Variants in BRINP1 observed in about 807,000 individuals in gnomAD.
BRINP1 encodes the protein BMP/retinoic acid-inducible neural-specific protein 1.
In BRINP1, 17 loss-of-function variants were observed where a neutral mutation model predicts 72.9. The observed-to-expected ratio is 0.23, with a 90% CI of 0.16 to 0.35. BRINP1 has a LOEUF of 0.35. Ranked by LOEUF, BRINP1 falls within the 10% of genes least tolerant of loss-of-function variation. The pLI is 1.00. For synonymous variants in BRINP1, 418 were observed against 378.5 expected, an observed-to-expected ratio of 1.10 and a Z score of -1.21; for missense variants, 850 against 1,001.6, an observed-to-expected ratio of 0.85 and a Z score of 2.04.
intron 1 of BRINP1, among the ~76,000 whole-genome samples, chr9:119,360,804 A>G (rs1187784768): frequency 1.3e-5 from 2 of 152,196 alleles, no homozygotes; most frequent in Non-Finnish European, 2.9e-5. Flanking sequence ...GAAACCTCCC[A>G]GGGCCAGTAC....
Position 119,229,021 on chromosome 9 carries a change from G to A in BRINP1, c.685+9634C>T, listed in dbSNP as rs1355132302. 3.9e-5 allele frequency among the ~76,000 whole-genome samples: 6 copies of A among 152,090 alleles called. No individual in the cohort carries two copies. In the South Asian group the frequency reaches 1.2e-3, roughly 31 times the overall value. ...CTGAGATTATCTTTGAAGTTGCCAA[G>A]TACACTTTTTATGTATATGTATTTG... On this transcript the variant is annotated intron_variant, in intron 5 of 7. Coordinates refer to ENST00000265922, the MANE Select transcript of BRINP1 (RefSeq NM_014618.3).
intron 1 of BRINP1, among the ~76,000 whole-genome samples, chr9:119,324,187 T>G (rs1186205615): frequency 6.6e-6 from 1 of 152,054 alleles, no homozygotes; most frequent in Non-Finnish European, 1.5e-5. Context: ...CAATGAGAAT[T>G]TACTAATCAG....
chr9:119,255,037 A>G (rs537446224), intron 2 of BRINP1, among the ~76,000 whole-genome samples: 15 of 152,372 alleles, frequency 9.8e-5, no homozygotes, highest in African/African-American at 3.4e-4. Context: ...CCCAAGGCTC[A>G]TGACTTCAAG....
intron 7 of BRINP1, among the ~76,000 whole-genome samples, chr9:119,205,780 A>G (rs1829847788): frequency 6.6e-6 from 1 of 152,100 alleles, no homozygotes; most frequent in African/African-American, 2.4e-5. Flanking sequence ...GGACCTTTGG[A>G]TCTTACTCTC....
intron 5 of BRINP1, among the ~76,000 whole-genome samples, chr9:119,214,712 G>A (rs1829961084): frequency 6.6e-6 from 1 of 152,156 alleles, no homozygotes; most frequent in Non-Finnish European, 1.5e-5. Flanking sequence ...GCCATATGAG[G>A]CAAATGAACA....
intron 5 of BRINP1, among the ~76,000 whole-genome samples, chr9:119,232,445 T>C (rs899469967): frequency 1.3e-5 from 2 of 152,210 alleles, no homozygotes; most frequent in African/African-American, 2.4e-5. Flanking sequence ...TTGCTTCTCA[T>C]TGCATCTAGA....
At chr9:119,352,768 A>T (rs968692071) in intron 1 of BRINP1, among the ~76,000 whole-genome samples, 13 of 152,176 alleles carry the variant, frequency 8.5e-5, no homozygotes, top group African/African-American at 3.1e-4. Context: ...CTGAATTTTT[A>T]TTGTTCTAAG....
chr9:119,180,479 A>ATGTGTG (rs112009324), intron 7 of BRINP1, among the ~76,000 whole-genome samples: 34 of 132,314 alleles, frequency 2.6e-4, no homozygotes, highest in South Asian at 9.4e-4. Context: ...CTCTCTGTGC[A>ATGTGTG]TGTGTGTGTG....
intron 2 of BRINP1, among the ~76,000 whole-genome samples, chr9:119,297,720 T>C (rs997597339): frequency 6.6e-6 from 1 of 152,142 alleles, no homozygotes; most frequent in African/African-American, 2.4e-5. Context: ...CTCATTTAGG[T>C]TCAACTGGCA....
At chr9:119,232,570 T>C (rs1411945766) in intron 5 of BRINP1, among the ~76,000 whole-genome samples, 1 of 152,138 alleles carries the variant, frequency 6.6e-6, no homozygotes, top group Non-Finnish European at 1.5e-5. Flanking sequence ...TTTTGCCATA[T>C]CCACACATCA....
chr9:119,343,373 T>C (rs1831422720), intron 1 of BRINP1, among the ~76,000 whole-genome samples: 1 of 152,186 alleles, frequency 6.6e-6, no homozygotes, highest in Admixed American at 6.5e-5. Context: ...TCATAAACCT[T>C]GAACTTAACA....
intron 2 of BRINP1, among the ~76,000 whole-genome samples, chr9:119,296,894 CG>C (rs1490138718): frequency 3.7e-5 from 3 of 81,964 alleles, no homozygotes; most frequent in Non-Finnish European, 1.0e-4. Flanking sequence ...TCAAAGGGTA[CG>C]AACGAAGTTT....
At chr9:119,366,235 T>C (rs551686376) in intron 1 of BRINP1, among the ~76,000 whole-genome samples, 2 of 152,226 alleles carry the variant, frequency 1.3e-5, no homozygotes, top group South Asian at 2.1e-4. Context: ...GCCTGTAATA[T>C]GTATTAATGT....
chr9:119,320,305 G>T (rs1463466038), intron 1 of BRINP1, among the ~76,000 whole-genome samples: 1 of 152,142 alleles, frequency 6.6e-6, no homozygotes, highest in Non-Finnish European at 1.5e-5. Context: ...ATGAACTGTG[G>T]ATTTCATTTC....
At chr9:119,168,709 A>AACTT (rs1564207522) in intron 7 of BRINP1, among the ~76,000 whole-genome samples, 1 of 152,222 alleles carries the variant, frequency 6.6e-6, no homozygotes, top group Non-Finnish European at 1.5e-5. Flanking sequence ...AACATCTACC[A>AACTT]ACTTCAACAA....
At chr9:119,177,112 A>ATGTT (rs1460453141) in intron 7 of BRINP1, among the ~76,000 whole-genome samples, 1 of 152,186 alleles carries the variant, frequency 6.6e-6, no homozygotes, top group African/African-American at 2.4e-5. Context: ...GAGTGAATCA[A>ATGTT]TGTTTGATGA....
intron 7 of BRINP1, among the ~76,000 whole-genome samples, chr9:119,174,325 T>G (rs1029458428): frequency 6.6e-6 from 1 of 150,862 alleles, no homozygotes; most frequent in Non-Finnish European, 1.5e-5. Context: ...CAGACACTTC[T>G]CAAAAGAAGA....
chr9:119,336,829 GA>G lies in BRINP1; in HGVS notation c.-50-23425del, dbSNP rs530410688. Among the ~76,000 whole-genome samples, 338 of 149,978 alleles carry G rather than the reference GA, an allele frequency of 2.3e-3. 4 individuals carry two copies. The highest frequency in any genetic ancestry group is 5.3e-3 in the African/African-American group (218 of 40,856). On this transcript the variant is annotated intron_variant, in intron 1 of 7. Coordinates refer to ENST00000265922, the MANE Select transcript of BRINP1 (RefSeq NM_014618.3). ...GCTTGACAGAATGGGAGAGAGAAGA[GA>G]AAAAAAAAGAGAAAATATGAGAATG...
intron 7 of BRINP1, among the ~76,000 whole-genome samples, chr9:119,173,774 G>T (rs1012349266): frequency 2.7e-5 from 4 of 145,738 alleles, no homozygotes; most frequent in Non-Finnish European, 4.4e-5. Context: ...AAACAGCATG[G>T]TACTGGTACC....
Sources: allele counts gnomAD v4.1 joint callset (sites outside exome capture counted in the v4.1 genomes callset), GRCh38; gene constraint gnomAD v4.1.1; transcripts MANE v1.5; gene names NCBI Gene and HGNC (gene_info 2026-07-23, HGNC 2026-07-21).